The following PLA2G5 variants were observed in gnomAD, a reference collection of about 807,000 sequenced individuals.
PLA2G5 encodes the protein Ca2+-dependent phospholipase A2.
PLA2G5 carries 12 observed loss-of-function variants against 15.9 expected under a neutral mutation model. That is an observed-to-expected ratio of 0.76 (90% CI 0.48 to 1.23). PLA2G5 has a LOEUF of 1.23. PLA2G5 is among the 50% of genes most tolerant of loss of function. The probability of loss-of-function intolerance (pLI) is 0.00; values close to 1 mark genes in which losing one functional copy is unlikely to be tolerated. For synonymous variants in PLA2G5, 71 were observed against 71.4 expected (o/e 0.99, Z 0.03); for missense variants, 169 against 177.1 (o/e 0.95, Z 0.26).
chr1:20,042,811 A>T (rs1416382687), intron 1 of PLA2G5, among the ~76,000 whole-genome samples: 1 of 152,080 alleles, frequency 6.6e-6, no homozygotes, highest in African/African-American at 2.4e-5. Flanking sequence ...TTTTATTAAG[A>T]ATTATGCTGA....
At chr1:20,088,469 G>C (rs938259351) in intron 3 of PLA2G5, among the ~76,000 whole-genome samples, 1 of 148,268 alleles carries the variant, frequency 6.7e-6, no homozygotes, top group African/African-American at 2.6e-5. Flanking sequence ...ATCAATTATG[G>C]CTTTTTTTTT....
intron 1 of PLA2G5, among the ~76,000 whole-genome samples, chr1:20,082,179 C>T (rs1466625421): frequency 1.3e-5 from 2 of 151,934 alleles, no homozygotes; most frequent in Non-Finnish European, 2.9e-5. Context: ...AGGGGCCAAC[C>T]AGGCGACTTG....
At chr1:20,047,718 TTGTGTGTG>T (rs57199460) in intron 1 of PLA2G5, among the ~76,000 whole-genome samples, 72,019 of 147,422 alleles carry the variant, frequency 0.49, 18,541 homozygotes, top group Non-Finnish European at 0.6. Flanking sequence ...TATAGGATCT[TTGTGTGTG>T]TGTGTGTGTG....
chr1:20,029,355 C>CTCCGCTGACATGTTCT (rs2012766364), intron 1 of PLA2G5, among the ~76,000 whole-genome samples: 1 of 148,690 alleles, frequency 6.7e-6, no homozygotes, highest in East Asian at 1.9e-4. Flanking sequence ...TGATACGTTC[C>CTCCGCTGACATGTTCT]TCCGCTGACA....
At chr1:20,073,418 G>C (rs2015489306) in intron 1 of PLA2G5, among the ~76,000 whole-genome samples, 1 of 152,194 alleles carries the variant, frequency 6.6e-6, no homozygotes, top group South Asian at 2.1e-4. Context: ...TGTATAAGCT[G>C]CATGTGCATG....
At chr1:20,074,289 T>C (rs1209556937) in intron 1 of PLA2G5, among the ~76,000 whole-genome samples, 2 of 152,156 alleles carry the variant, frequency 1.3e-5, no homozygotes, top group African/African-American at 4.8e-5. Context: ...GTCATTGCTC[T>C]TGTAACATAT....
At chr1:20,039,090 T>A (rs147830836) in intron 1 of PLA2G5, among the ~76,000 whole-genome samples, 207 of 152,254 alleles carry the variant, frequency 1.4e-3, no homozygotes, top group African/African-American at 4.6e-3. Flanking sequence ...GAGTCTCGAG[T>A]TACAGGTTCA....
In PLA2G5 at chr1:20,091,689, C is replaced by T. The variant is rs2016562507; in HGVS notation, c.*997C>T. On this transcript the variant is annotated 3_prime_UTR_variant, in exon 5 of 5. Transcript: ENST00000375108. ...TTACAAAGTAAGGACATTAAAAAAA[C>T]CAACCCGTCTATCAATTCATAAAAG... Among the ~76,000 whole-genome samples, 1 of 151,850 alleles carries T rather than the reference C, an allele frequency of 6.6e-6. No homozygotes were observed. The highest frequency in any genetic ancestry group is 1.5e-5 in the Non-Finnish European group (1 of 67,996).
At chr1:20,078,184 GA>G (rs1463466525) in intron 1 of PLA2G5, among the ~76,000 whole-genome samples, 2 of 152,172 alleles carry the variant, frequency 1.3e-5, no homozygotes, top group Non-Finnish European at 2.9e-5. Flanking sequence ...CTGAGGAGGT[GA>G]CCCCCAAGCT....
intron 1 of PLA2G5, among the ~76,000 whole-genome samples, chr1:20,042,161 T>G (rs1343263767): frequency 6.6e-6 from 1 of 152,168 alleles, no homozygotes; most frequent in African/African-American, 2.4e-5. Flanking sequence ...GGCAATGAGT[T>G]TGGCTTGCTG....
chr1:20,090,703 C>G lies in PLA2G5; in HGVS notation c.*11C>G, dbSNP rs754485678. On this transcript the variant is annotated 3_prime_UTR_variant, in exon 5 of 5. Transcript: ENST00000375108. Reference sequence around the variant, plus strand: ...ATCCTCTGCTCCTAGGCCTCCCCAGCGAGCTCCTCCCAGACCAAGACTTTT... The same window carrying G: ...ATCCTCTGCTCCTAGGCCTCCCCAGGGAGCTCCTCCCAGACCAAGACTTTT... 1 of 1,613,736 alleles carries G rather than the reference C, an allele frequency of 6.2e-7. No individual in the cohort carries two copies.
At chr1:20,059,427 A>C (rs1269030031) in intron 1 of PLA2G5, among the ~76,000 whole-genome samples, 2 of 152,082 alleles carry the variant, frequency 1.3e-5, no homozygotes, top group African/African-American at 4.8e-5. Flanking sequence ...TGTCTAAAAA[A>C]AAAAAGAGAG....
chr1:20,059,825 G>GT (rs1339564835), intron 2 of PLA2G5: 2 of 152,208 alleles, frequency 1.3e-5, no homozygotes, highest in Non-Finnish European at 2.9e-5. Flanking sequence ...CATAGCAGAG[G>GT]TGTGACTCTG....
chr1:20,033,384 T>A (rs2013074206), intron 1 of PLA2G5, among the ~76,000 whole-genome samples: 1 of 152,136 alleles, frequency 6.6e-6, no homozygotes, highest in African/African-American at 2.4e-5. Context: ...GTGGCCAGGT[T>A]AAGAGCTTTA....
At chr1:20,063,930 A>G (rs2014877696) in intron 2 of PLA2G5, among the ~76,000 whole-genome samples, 1 of 152,218 alleles carries the variant, frequency 6.6e-6, no homozygotes, top group Non-Finnish European at 1.5e-5. Flanking sequence ...AGTAAGCAGC[A>G]TGTTCTTACT....
intron 1 of PLA2G5, among the ~76,000 whole-genome samples, chr1:20,056,350 A>T (rs1021853576): frequency 6.6e-6 from 1 of 151,748 alleles, no homozygotes; most frequent in Admixed American, 6.6e-5. Context: ...TTGCCCCCCT[A>T]TCCTAGGCTC....
chr1:20,029,767 G>A (rs965960017), intron 1 of PLA2G5, among the ~76,000 whole-genome samples: 2 of 152,212 alleles, frequency 1.3e-5, no homozygotes, highest in Non-Finnish European at 2.9e-5. Context: ...CGGAGGAGGA[G>A]GAAATAGAGA....
chr1:20,050,407 T>C (rs576362415), intron 1 of PLA2G5, among the ~76,000 whole-genome samples: 1 of 152,300 alleles, frequency 6.6e-6, no homozygotes, highest in Non-Finnish European at 1.5e-5. Context: ...CATGTGAGAT[T>C]GTAAGGGCCA....
At chr1:20,058,507 A>C (rs950154220) in intron 1 of PLA2G5, among the ~76,000 whole-genome samples, 1 of 152,190 alleles carries the variant, frequency 6.6e-6, no homozygotes, top group African/African-American at 2.4e-5. Flanking sequence ...CTTTTAATCT[A>C]TATATGTCTT....
Sources: gnomAD v4.1 joint callset for allele counts (sites outside exome capture counted in the v4.1 genomes callset) on GRCh38, gnomAD v4.1.1 for gene constraint, MANE v1.5 for transcripts, NCBI Gene and HGNC (gene_info 2026-07-23, HGNC 2026-07-21) for gene names.